SPO11: variants seen among roughly 807,000 people sequenced by gnomAD.
The protein encoded by SPO11 is meiotic recombination protein SPO11.
A neutral mutation model predicts 51.6 loss-of-function variants in SPO11; 49 were observed. The ratio of observed to expected loss-of-function variants is 0.95; its 90% confidence interval spans 0.75 to 1.20. The LOEUF (loss-of-function observed/expected upper bound fraction) is 1.20. Among genes scored for constraint, SPO11 ranks in the 50% most tolerant of loss-of-function variants. The pLI is 0.00. For missense variants in SPO11, 431 were observed against 473.4 expected (o/e 0.91, Z 0.83); for synonymous variants, 176 against 158.2 (o/e 1.11, Z -0.84).
chr20:57,331,038 T>G (rs1453117148), intron 1 of SPO11, among the ~76,000 whole-genome samples: 2 of 152,250 alleles, frequency 1.3e-5, no homozygotes, highest in African/African-American at 4.8e-5. Context: ...CTGTGGAAAT[T>G]AAAACTCTCA....
intron 3 of SPO11, 146 bp downstream of exon 3, chr20:57,333,422 G>A: frequency 1.5e-6 from 1 of 659,994 alleles, no homozygotes; most frequent in East Asian, 2.8e-5. Context: ...ATTTTTCATT[G>A]TCAATAACTA....
chr20:57,333,948 A>C lies in SPO11; in HGVS notation c.402-39A>C, dbSNP rs777516529. Reference sequence around the variant, plus strand: ...GTAATACTTGTCATATTCAAAAAGAATATAGTTAATTAAAAATATGTATTT... The same window carrying C: ...GTAATACTTGTCATATTCAAAAAGACTATAGTTAATTAAAAATATGTATTT... On this transcript the variant is annotated intron_variant, in intron 4 of 12. Coordinates refer to ENST00000371263, the MANE Select transcript of SPO11 (RefSeq NM_012444.3). 10 of 1,234,070 alleles carry C rather than the reference A, an allele frequency of 8.1e-6. No homozygotes were observed. The African/African-American group carries it at 1.5e-4, about 19-fold the overall frequency. The allele number at this position is 1,234,070 out of a possible 1,614,324, so 76.4% of individuals were successfully genotyped here.
chr20:57,332,054 G>A (rs2066456714), intron 2 of SPO11, 108 bp downstream of exon 2: 1 of 610,082 alleles, frequency 1.6e-6, no homozygotes, highest in Non-Finnish European at 2.6e-6. Flanking sequence ...CCTTTACCTT[G>A]CCAAAAAAAA....
Position 57,333,980 on chromosome 20 carries a change from T to C in SPO11, c.402-7T>C. 6.7e-7 allele frequency: 1 copy of C among 1,483,588 alleles called. No individual in the cohort carries two copies. The highest frequency in any genetic ancestry group is 1.3e-5 in the South Asian group (1 of 77,926). 91.9% of individuals were successfully genotyped at this position (1,483,588 alleles called of 1,614,324 possible). The stretch of plus-strand genomic sequence containing the variant: ...TAATTAAAAATATGTATTTTAAATT[T>C]TCATAGGGACATATATTACACTGAC... On this transcript the variant is annotated splice_region_variant and splice_polypyrimidine_tract_variant and intron_variant, in intron 4 of 12. Coordinates refer to ENST00000371263, the MANE Select transcript of SPO11 (RefSeq NM_012444.3).
At chr20:57,338,517 C>T in intron 9 of SPO11, 142 bp downstream of exon 9, 1 of 610,906 alleles carries the variant, frequency 1.6e-6, no homozygotes, top group East Asian at 2.9e-5. Flanking sequence ...GATCTTGGCT[C>T]ACTGCAACCT....
Position 57,330,059 on chromosome 20 carries a change from C to T in SPO11, c.131+61C>T, listed in dbSNP as rs964726530. ...TCTGTAGAAAAGTCGGGCGCTCTTC[C>T]TGGCCCCGGGCTGCCTCCTAGTGTT... is the stretch of plus-strand genomic sequence containing the variant. On this transcript the variant is annotated intron_variant, in intron 1 of 12. Transcript: ENST00000371263. The T allele has an allele frequency of 8.0e-6, 12 of 1,499,696 alleles. No individual in the cohort carries two copies. In the African/African-American group the frequency reaches 1.5e-4, roughly 19 times the overall value. The allele number at this position is 1,499,696 out of a possible 1,614,324, so 92.9% of individuals were successfully genotyped here.
chr20:57,341,293 C>A (rs866478471), intron 11 of SPO11, among the ~76,000 whole-genome samples: 20 of 152,262 alleles, frequency 1.3e-4, no homozygotes, highest in African/African-American at 4.8e-4. Flanking sequence ...CTATGCACAT[C>A]CTTAGTTAGT....
At chr20:57,333,787 A>C (rs765343975) in intron 4 of SPO11, 34 bp downstream of exon 4, 2 of 1,237,188 alleles carry the variant, frequency 1.6e-6, no homozygotes, top group Non-Finnish European at 2.3e-6. Context: ...TACTCTTCAA[A>C]ATGTAATGTG....
Position 57,329,946 on chromosome 20 carries a change from C to T in SPO11, c.79C>T (p.Leu27=), listed in dbSNP as rs200440718. The change falls in exon 1 of 13, where the codon CTG becomes TTG. Residue 27 remains leucine, a synonymous_variant. Coordinates refer to ENST00000371263, the MANE Select transcript of SPO11 (RefSeq NM_012444.3). ...ACACAGGGAGTCCCTGCTGGCTGCC[C>T]TGAGGAGAGGTGGCAGGGAGCCCCC... The part of the protein sequence containing the change: ...DRHRESLLAA[L]RRGGREPPTG... 11 of 1,613,158 alleles carry T rather than the reference C, an allele frequency of 6.8e-6. No homozygotes were observed. The highest frequency in any genetic ancestry group is 2.2e-5 in the South Asian group (2 of 91,010).
At chr20:57,335,679 G>T in intron 7 of SPO11, 119 bp from the exon 8 acceptor site, 1 of 710,408 alleles carries the variant, frequency 1.4e-6, no homozygotes, top group South Asian at 1.9e-5. Flanking sequence ...TATGTTTGAA[G>T]GTACAAACTA....
intron 8 of SPO11, chr20:57,337,754 C>G: frequency 7.6e-7 from 1 of 1,309,282 alleles, no homozygotes; most frequent in South Asian, 1.2e-5. Flanking sequence ...ACCAGTCTTT[C>G]AGCACCTGAA....
chr20:57,338,446 C>CT (rs113456122), intron 9 of SPO11, 71 bp downstream of exon 9: 165,593 of 857,490 alleles, frequency 0.19, 245 homozygotes, highest in South Asian at 0.23. Flanking sequence ...TTTTCTTCCT[C>CT]TTTTTTTTTT....
In SPO11 at chr20:57,343,215, T is replaced by C. The variant is rs2066604788; in HGVS notation, c.1072-126T>C. The C allele has an allele frequency of 4.6e-6, 5 of 1,081,794 alleles. No individual in the cohort carries two copies. The South Asian group carries it at 7.5e-5, about 16-fold the overall frequency. The allele number at this position is 1,081,794 out of a possible 1,614,324, so 67.0% of individuals were successfully genotyped here. A position where few individuals can be genotyped will look rare whatever the true frequency, so the allele number is the denominator to read the frequency against. ...TAGCTGTAGCAGCTCTGGAATATTCTGGCTGACCCTTAAGACTATTGTCCC... is the reference window on the plus strand; with the variant it reads ...TAGCTGTAGCAGCTCTGGAATATTCCGGCTGACCCTTAAGACTATTGTCCC... On this transcript the variant is annotated intron_variant, in intron 12 of 12. Coordinates refer to ENST00000371263, the MANE Select transcript of SPO11 (RefSeq NM_012444.3).
At chr20:57,337,816 G>A (rs1216291947) in intron 8 of SPO11, 12 of 1,276,662 alleles carry the variant, frequency 9.4e-6, no homozygotes, top group African/African-American at 1.5e-5. Context: ...ACTCAGATAT[G>A]AACCAGGGTT....
chr20:57,335,474 A>C lies in SPO11; in HGVS notation c.634+19A>C. 1 of 1,604,582 alleles carries C rather than the reference A, an allele frequency of 6.2e-7. No individual in the cohort carries two copies. Among genetic ancestry groups the C allele is most frequent in the Non-Finnish European group, 8.5e-7 (1 of 1,175,002 alleles). ...ATTCGGAGTATCCTTTAAGTGGGAAAACTATTTAAACTTTTGGAATGTTCA... is the reference window on the plus strand; with the variant it reads ...ATTCGGAGTATCCTTTAAGTGGGAACACTATTTAAACTTTTGGAATGTTCA... On this transcript the variant is annotated intron_variant, in intron 7 of 12. Transcript: ENST00000371263.
chr20:57,334,986 C>T (rs2146085913), intron 6 of SPO11, 150 bp downstream of exon 6: 1 of 584,476 alleles, frequency 1.7e-6, no homozygotes, highest in South Asian at 2.8e-5. Flanking sequence ...CTTTACAGAA[C>T]TGTACATTAC....
intron 11 of SPO11, 25 bp from the exon 12 acceptor site, chr20:57,342,704 A>AT (rs776273934): frequency 2.0e-6 from 3 of 1,490,718 alleles, no homozygotes; most frequent in East Asian, 2.3e-5. Context: ...TTTTTTACTG[A>AT]TTTTTTTCAC....
At position 57,338,283 on chromosome 20, in the gene SPO11, G is replaced by A; in HGVS notation, c.752G>A (p.Gly251Glu). 2 of 1,607,636 alleles carry A rather than the reference G, an allele frequency of 1.2e-6. No homozygotes were observed. Among genetic ancestry groups the A allele is most frequent in the Non-Finnish European group, 8.5e-7 (1 of 1,175,904 alleles). The change falls in exon 9 of 13, where the codon GGA becomes GAA. Residue 251 changes from glycine to glutamate, a missense_variant. Around this residue, in one of 3 missense-constraint regions of SPO11, gnomAD observed 405 missense variants for 425.9 expected, o/e 0.95. Coordinates refer to ENST00000371263, the MANE Select transcript of SPO11 (RefSeq NM_012444.3). ...LSPCIMITGK[G>E]VPDLNTRLLV... Reference sequence around the variant, plus strand: ...TTTTCATCTTCCTTTTAGGGAAAGGGAGTTCCTGATCTAAACACAAGACTT... The same window carrying A: ...TTTTCATCTTCCTTTTAGGGAAAGGAAGTTCCTGATCTAAACACAAGACTT...
intron 1 of SPO11, 91 bp downstream of exon 1, chr20:57,330,089 C>A: frequency 7.0e-7 from 1 of 1,437,920 alleles, no homozygotes; most frequent in Non-Finnish European, 9.2e-7. Context: ...AGTGTTGAGG[C>A]TGAGGAGGCA....
Sources: gnomAD v4.1 joint callset for allele counts (sites outside exome capture counted in the v4.1 genomes callset) on GRCh38, gnomAD v4.1.1 for gene constraint, gnomAD v4.1.1 regional missense constraint, MANE v1.5 for transcripts, NCBI Gene and HGNC (gene_info 2026-07-23, HGNC 2026-07-21) for gene names.